The following KIRREL3 variants were observed in gnomAD, a reference collection of about 807,000 sequenced individuals.
KIRREL3 encodes the protein kin of IRRE-like protein 3.
In KIRREL3, 36 loss-of-function variants were observed where a neutral mutation model predicts 89.7. The observed-to-expected ratio is 0.40, with a 90% confidence interval of 0.31 to 0.53. The LOEUF is 0.53. Among genes scored for constraint, KIRREL3 ranks in the 20% least tolerant of loss-of-function variants. The pLI is 0.49. For synonymous variants in KIRREL3, 445 were observed against 441.4 expected, an observed-to-expected ratio of 1.01 and a Z score of -0.10; for missense variants, 864 against 1,056.6, an observed-to-expected ratio of 0.82 and a Z score of 2.53.
chr11:126,910,081 C>T (rs1437570891), intron 1 of KIRREL3, among the ~76,000 whole-genome samples: 1 of 152,160 alleles, frequency 6.6e-6, no homozygotes, highest in Admixed American at 6.5e-5. Context: ...CCCAACTTGG[C>T]CCTGAGTCCA....
Position 126,640,488 on chromosome 11 carries a change from C to T in KIRREL3, c.56-77576G>A, listed in dbSNP as rs1944427540. On this transcript the variant is annotated intron_variant, in intron 1 of 16. Transcript: ENST00000525144. The surrounding 1 kb of genome is among the most constrained non-coding windows in gnomAD (Gnocchi z 4.9). ...ATCTGTTCCCTGCATACATTACATGCATAGATCTGAGAGAAGAATTTGGCC... is the reference window on the plus strand; with the variant it reads ...ATCTGTTCCCTGCATACATTACATGTATAGATCTGAGAGAAGAATTTGGCC... 6.6e-6 allele frequency among the ~76,000 whole-genome samples: 1 copy of T among 152,174 alleles called. No individual in the cohort carries two copies. The highest frequency in any genetic ancestry group is 1.5e-5 in the Non-Finnish European group (1 of 68,028).
chr11:126,603,700 C>T lies in KIRREL3; in HGVS notation c.56-40788G>A, dbSNP rs555725617. 2.5e-3 allele frequency among the ~76,000 whole-genome samples: 378 copies of T among 152,346 alleles called. 1 individual carries two copies. Among genetic ancestry groups the T allele is most frequent in the African/African-American group, 8.9e-3 (368 of 41,580 alleles). ...CACATGGCTGCATGTTTCTCTGGGC[C>T]CTGCCTGGTGCGCAGCAGCCATATC... is the stretch of plus-strand genomic sequence containing the variant. On this transcript the variant is annotated intron_variant, in intron 1 of 16. Transcript: ENST00000525144.
At chr11:126,440,902 G>A (rs1234999233) in intron 10 of KIRREL3, 3 of 334,802 alleles carry the variant, frequency 9.0e-6, no homozygotes, top group African/African-American at 4.3e-5. Context: ...GAAAGCTTTA[G>A]GGAGGAGGTG....
At chr11:126,949,213 T>C (rs1481812940) in intron 1 of KIRREL3, among the ~76,000 whole-genome samples, 1 of 152,180 alleles carries the variant, frequency 6.6e-6, no homozygotes, top group Non-Finnish European at 1.5e-5. Context: ...ACACTCTTAC[T>C]AGAAGTGCTG....
At position 126,923,218 on chromosome 11, in the gene KIRREL3, T is replaced by C. The variant is rs1433479562; in HGVS notation, c.55+77237A>G. ...TTCTTCTTCTTCTTCTTCTTCTTCT[T>C]CTTCTTCTTCTTCTTCTTCTTCTTC... On this transcript the variant is annotated intron_variant, in intron 1 of 16. Transcript: ENST00000525144. Among the ~76,000 whole-genome samples the C allele has an allele frequency of 2.9e-4, 6 of 21,024 alleles. 1 individual carries two copies. The highest frequency in any genetic ancestry group is 8.8e-4 in the Admixed American group (2 of 2,262). The allele number at this position is 21,024 out of a possible 152,430, so 13.8% of individuals were successfully genotyped here.
rs1957468580 is a variant in KIRREL3, at chr11:126,490,051, CA to C, written c.434-16586del. Among the ~76,000 whole-genome samples, 1 of 152,046 alleles carries C rather than the reference CA, an allele frequency of 6.6e-6. No individual in the cohort carries two copies. The highest frequency in any genetic ancestry group is 6.6e-5 in the Admixed American group (1 of 15,258). On this transcript the variant is annotated intron_variant, in intron 4 of 16. Transcript: ENST00000525144. This position sits in a 1 kb window ranked among gnomAD's most constrained non-coding sequence, Gnocchi z 4.2. The stretch of plus-strand genomic sequence containing the variant: ...CGAGGAGTGAACGGGGTGAGGTGTC[CA>C]GTGTTGCTTTGAAGTGAAATGTTTT...
At chr11:126,966,523 C>T (rs1332309397) in intron 1 of KIRREL3, among the ~76,000 whole-genome samples, 2 of 152,200 alleles carry the variant, frequency 1.3e-5, no homozygotes, top group African/African-American at 2.4e-5. Flanking sequence ...GCCTGGCCTT[C>T]ACACTTTAGG....
rs747402770 is a variant in KIRREL3, at chr11:126,969,080, G to C, written c.55+31375C>G. On this transcript the variant is annotated intron_variant, in intron 1 of 16. Coordinates refer to ENST00000525144, the MANE Select transcript of KIRREL3 (RefSeq NM_032531.4). The surrounding 1 kb of genome is among the most constrained non-coding windows in gnomAD (Gnocchi z 4.9). ...TCAGGCGGGGGCGTCTGAGGTTCGC[G>C]TGTGAGGGAATCAGGTGCATTGCAC... Among the ~76,000 whole-genome samples, 1 of 152,178 alleles carries C rather than the reference G, an allele frequency of 6.6e-6. No homozygotes were observed. The highest frequency in any genetic ancestry group is 1.5e-5 in the Non-Finnish European group (1 of 68,040).
intron 1 of KIRREL3, among the ~76,000 whole-genome samples, chr11:126,884,779 T>C: frequency 6.6e-6 from 1 of 152,048 alleles, no homozygotes; most frequent in East Asian, 1.9e-4. Flanking sequence ...TGATGTCATC[T>C]CTCGGTGGAG....
chr11:126,577,092 AG>A (rs1941293612), intron 1 of KIRREL3, among the ~76,000 whole-genome samples: 1 of 152,204 alleles, frequency 6.6e-6, no homozygotes, highest in South Asian at 2.1e-4. Flanking sequence ...AGAGAGAAAT[AG>A]AATGTCACAG....
At chr11:126,979,399 A>G (rs1949663823) in intron 1 of KIRREL3, among the ~76,000 whole-genome samples, 2 of 152,236 alleles carry the variant, frequency 1.3e-5, no homozygotes, top group African/African-American at 4.8e-5. Flanking sequence ...ATTAACATAT[A>G]ACAGCTACCT....
rs1003962081 is a variant in KIRREL3 at position 126,620,538 on chromosome 11, G to T, written c.56-57626C>A. Reference sequence around the variant, plus strand: ...GTCTATGGGGTGCCTGTGCATGTGTGTTGTGTATGCATTTCTAGGAGGAGA... The same window carrying T: ...GTCTATGGGGTGCCTGTGCATGTGTTTTGTGTATGCATTTCTAGGAGGAGA... On this transcript the variant is annotated intron_variant, in intron 1 of 16. Transcript: ENST00000525144. The surrounding 1 kb of genome is among the most constrained non-coding windows in gnomAD (Gnocchi z 4.8). 1.3e-5 allele frequency among the ~76,000 whole-genome samples: 2 copies of T among 152,190 alleles called. No individual in the cohort carries two copies. The highest frequency in any genetic ancestry group is 3.9e-4 in the East Asian group (2 of 5,192).
At chr11:126,786,328 C>T (rs1440369665) in intron 1 of KIRREL3, among the ~76,000 whole-genome samples, 1 of 152,130 alleles carries the variant, frequency 6.6e-6, no homozygotes, top group Non-Finnish European at 1.5e-5. Flanking sequence ...TTGTATTAGA[C>T]AGGTGGGATT....
chr11:126,564,296 A>C lies in KIRREL3; in HGVS notation c.56-1384T>G, dbSNP rs1940353332. Among the ~76,000 whole-genome samples, 1 of 152,212 alleles carries C rather than the reference A, an allele frequency of 6.6e-6. No homozygotes were observed. Among genetic ancestry groups the C allele is most frequent in the Non-Finnish European group, 1.5e-5 (1 of 68,026 alleles). On this transcript the variant is annotated intron_variant, in intron 1 of 16. Coordinates refer to ENST00000525144, the MANE Select transcript of KIRREL3 (RefSeq NM_032531.4). This position sits in a 1 kb window ranked among gnomAD's most constrained non-coding sequence, Gnocchi z 7.4. ...TTCTCCTCTTCCATCCACCGTCTGCAGCCCAGGTCCACCCACCAAGCATAG... is the reference window on the plus strand; with the variant it reads ...TTCTCCTCTTCCATCCACCGTCTGCCGCCCAGGTCCACCCACCAAGCATAG...
chr11:126,634,271 G>T (rs1944173240), intron 1 of KIRREL3, among the ~76,000 whole-genome samples: 1 of 152,232 alleles, frequency 6.6e-6, no homozygotes, highest in Admixed American at 6.5e-5. Context: ...TAACAGCTGA[G>T]CATCTACTTT....
chr11:126,929,980 T>G (rs1469831690), intron 1 of KIRREL3, among the ~76,000 whole-genome samples: 1 of 150,110 alleles, frequency 6.7e-6, no homozygotes, highest in Non-Finnish European at 1.5e-5. Context: ...GATTCCCAAG[T>G]ACACTTGAGG....
In KIRREL3 at chr11:126,635,809, G is replaced by A. The variant is rs1328132903; in HGVS notation, c.56-72897C>T. On this transcript the variant is annotated intron_variant, in intron 1 of 16. Transcript: ENST00000525144. This position sits in a 1 kb window ranked among gnomAD's most constrained non-coding sequence, Gnocchi z 4.0. ...GAGGCGATTGGTATAAAAATACCAG[G>A]TAAAAGGCAGAGTGTGTCCCATGAA... 2.0e-5 allele frequency among the ~76,000 whole-genome samples: 3 copies of A among 152,206 alleles called. No homozygotes were observed. The highest frequency in any genetic ancestry group is 4.4e-5 in the Non-Finnish European group (3 of 68,040).
rs1592201598 is a variant in KIRREL3, at chr11:126,837,597, T to C, written c.55+162858A>G. Among the ~76,000 whole-genome samples the C allele has an allele frequency of 6.6e-6, 1 of 152,192 alleles. No individual in the cohort carries two copies. Among genetic ancestry groups the C allele is most frequent in the East Asian group, 1.9e-4 (1 of 5,198 alleles). The stretch of plus-strand genomic sequence containing the variant: ...ATCCTCGCTACATCCAGGAACTTAC[T>C]CTGCTGTGAAAGTGTCACAGCAACA... On this transcript the variant is annotated intron_variant, in intron 1 of 16. Coordinates refer to ENST00000525144, the MANE Select transcript of KIRREL3 (RefSeq NM_032531.4). The surrounding 1 kb of genome is among the most constrained non-coding windows in gnomAD (Gnocchi z 4.7).
chr11:126,732,567 A>T (rs189174200), intron 1 of KIRREL3, among the ~76,000 whole-genome samples: 38 of 152,342 alleles, frequency 2.5e-4, no homozygotes, highest in African/African-American at 8.9e-4. Flanking sequence ...TTGTCTCGGG[A>T]AAGTGTAGTC....
Sources: allele counts gnomAD v4.1 joint callset (sites outside exome capture counted in the v4.1 genomes callset), GRCh38; gene constraint gnomAD v4.1.1; non-coding constraint Gnocchi (gnomAD v3.1); transcripts MANE v1.5; gene names NCBI Gene and HGNC (gene_info 2026-07-23, HGNC 2026-07-21).